KLF8: variants seen among roughly 807,000 people sequenced by gnomAD.
KLF8 encodes the protein Krueppel-like factor 8.
KLF8 carries 10 observed loss-of-function variants against 18.2 expected under a neutral mutation model. That is an observed-to-expected ratio of 0.55 (90% CI 0.34 to 0.93). The LOEUF (loss-of-function observed/expected upper bound fraction) is 0.93, where lower values mean the gene tolerates loss of function less well. KLF8 is among the 40% of genes least tolerant of loss of function. KLF8 has a pLI of 0.02. For synonymous variants in KLF8, 109 were observed against 97.3 expected, an observed-to-expected ratio of 1.12 and a Z score of -0.71; for missense variants, 264 against 277.9, an observed-to-expected ratio of 0.95 and a Z score of 0.36.
At chrX:55,912,427 C>T in the KLF8 span, among the ~76,000 whole-genome samples, 1 of 111,521 alleles carries the variant, frequency 9.0e-6, no homozygotes, top group Non-Finnish European at 1.9e-5. Context: ...CCATTCCCTA[C>T]TGCAGAATTT....
At chrX:56,253,927 ATT>A (rs780964789) in intron 2 of KLF8, among the ~76,000 whole-genome samples, 3 of 86,478 alleles carry the variant, frequency 3.5e-5, no homozygotes, top group Admixed American at 1.2e-4. Flanking sequence ...TGCCCAGCTA[ATT>A]TTTTTTTTTT....
chrX:56,019,042 C>T, the KLF8 span, among the ~76,000 whole-genome samples: 1 of 111,691 alleles, frequency 9.0e-6, no homozygotes. Flanking sequence ...CTTTACTTTC[C>T]AGATGTTTTG....
intron 3 of KLF8, chrX:56,266,288 A>G: frequency 1.3e-6 from 1 of 752,040 alleles, no homozygotes; most frequent in Non-Finnish European, 1.6e-6. Flanking sequence ...CTACAAAAGA[A>G]GTAATTGAAA....
At chrX:56,107,655 T>G in the KLF8 span, among the ~76,000 whole-genome samples, 2 of 111,415 alleles carry the variant, frequency 1.8e-5, no homozygotes, top group Non-Finnish European at 3.8e-5. Flanking sequence ...GAAAGGGAAA[T>G]CCCCTGACCC....
the KLF8 span, among the ~76,000 whole-genome samples, chrX:56,212,319 A>G: frequency 9.5e-6 from 1 of 105,172 alleles, no homozygotes; most frequent in African/African-American, 3.4e-5. Context: ...TGGCTGTCCC[A>G]GCTGATGTTT....
chrX:56,280,088 C>A (rs1012417114), intron 5 of KLF8, among the ~76,000 whole-genome samples: 2 of 111,912 alleles, frequency 1.8e-5, no homozygotes, highest in Non-Finnish European at 3.8e-5. Flanking sequence ...CACTTCATCT[C>A]CCCTGAGTTT....
chrX:56,186,924 G>A, the KLF8 span, among the ~76,000 whole-genome samples: 1 of 111,857 alleles, frequency 8.9e-6, no homozygotes, highest in African/African-American at 3.3e-5. Context: ...GAGAAAGCAG[G>A]AAAGATCCAA....
At chrX:55,984,882 GA>G in the KLF8 span, among the ~76,000 whole-genome samples, 1 of 110,677 alleles carries the variant, frequency 9.0e-6, no homozygotes, top group Admixed American at 9.6e-5. Flanking sequence ...GTGATGTTGA[GA>G]TTTTTTTTCA....
intron 5 of KLF8, among the ~76,000 whole-genome samples, chrX:56,276,952 CCT>C (rs779420876): frequency 8.1e-5 from 9 of 111,151 alleles, no homozygotes; most frequent in Admixed American, 7.7e-4. Flanking sequence ...TCTTTTGTCT[CCT>C]CTCTATGCAT....
chrX:56,131,578 T>TA, the KLF8 span, among the ~76,000 whole-genome samples: 14 of 108,142 alleles, frequency 1.3e-4, no homozygotes, highest in Admixed American at 4.9e-4. Context: ...AAAATACAAT[T>TA]AAAAAAAAAG....
At chrX:56,207,944 T>A in the KLF8 span, among the ~76,000 whole-genome samples, 48 of 111,095 alleles carry the variant, frequency 4.3e-4, no homozygotes, top group African/African-American at 1.5e-3. Flanking sequence ...CTCACAATCA[T>A]GGCAGAAGGT....
chrX:56,161,098 C>G, the KLF8 span, among the ~76,000 whole-genome samples: 14 of 111,510 alleles, frequency 1.3e-4, no homozygotes, highest in Middle Eastern at 4.2e-3. Context: ...GTGACAAAAT[C>G]TCTGAACATT....
At chrX:56,024,690 G>C in the KLF8 span, among the ~76,000 whole-genome samples, 1 of 111,731 alleles carries the variant, frequency 9.0e-6, no homozygotes, top group Non-Finnish European at 1.9e-5. Context: ...CCGGTAATCA[G>C]AGTGAAACAG....
At chrX:56,048,987 C>T in the KLF8 span, among the ~76,000 whole-genome samples, 1 of 111,320 alleles carries the variant, frequency 9.0e-6, no homozygotes, top group African/African-American at 3.3e-5. Flanking sequence ...CCTTCACATC[C>T]CTTGTAAGTT....
chrX:56,146,446 G>A, the KLF8 span, among the ~76,000 whole-genome samples: 1 of 111,378 alleles, frequency 9.0e-6, no homozygotes, highest in Non-Finnish European at 1.9e-5. Flanking sequence ...ATCATTCTCA[G>A]GAAACTAACA....
chrX:56,190,566 T>A, the KLF8 span, among the ~76,000 whole-genome samples: 1 of 111,603 alleles, frequency 9.0e-6, no homozygotes, highest in South Asian at 3.7e-4. Flanking sequence ...CAAAGAAACA[T>A]CATATTTTAG....
the KLF8 span, among the ~76,000 whole-genome samples, chrX:56,148,028 TA>T: frequency 8.9e-6 from 1 of 112,126 alleles, no homozygotes; most frequent in Non-Finnish European, 1.9e-5. Flanking sequence ...ATTTTGGATG[TA>T]CTAAATGTCA....
the KLF8 span, among the ~76,000 whole-genome samples, chrX:55,935,929 G>T: frequency 8.9e-6 from 1 of 111,831 alleles, no homozygotes; most frequent in Non-Finnish European, 1.9e-5. Flanking sequence ...ATCTTGGAGG[G>T]TTATTCACTG....
the KLF8 span, among the ~76,000 whole-genome samples, chrX:56,083,069 C>A: frequency 9.0e-6 from 1 of 111,559 alleles, no homozygotes; most frequent in African/African-American, 3.3e-5. Context: ...ATATCCTTGT[C>A]TGTCCTCAAG....
Sources: allele counts gnomAD v4.1 joint callset (sites outside exome capture counted in the v4.1 genomes callset), GRCh38; gene constraint gnomAD v4.1.1; transcripts MANE v1.5; gene names NCBI Gene and HGNC (gene_info 2026-07-23, HGNC 2026-07-21).